Variants in DTX1 observed in about 807,000 individuals in gnomAD.
DTX1 encodes the protein deltex E3 ubiquitin ligase 1.
Under a neutral mutation model 57.8 loss-of-function variants are expected in DTX1, and 26 were observed. That is an observed-to-expected ratio of 0.45 (90% CI 0.33 to 0.62). DTX1 has a LOEUF of 0.62. Ranked by LOEUF, DTX1 falls within the 20% of genes least tolerant of loss-of-function variation. The pLI is 0.02. For synonymous variants in DTX1, 398 were observed against 394.1 expected, an observed-to-expected ratio of 1.01 and a Z score of -0.12; for missense variants, 704 against 895.3, an observed-to-expected ratio of 0.79 and a Z score of 2.73.
rs11066481 is a variant in DTX1, at chr12:113,056,741, C to G, written c.-948C>G. The G allele has an allele frequency of 6.6e-6, 1 of 152,340 alleles. No individual in the cohort carries two copies. The highest frequency in any genetic ancestry group is 1.9e-4 in the East Asian group (1 of 5,146). 9.4% of individuals were successfully genotyped at this position (152,340 alleles called of 1,614,324 possible). On this transcript the variant is annotated 5_prime_UTR_variant, in exon 1 of 10. In the 5' UTR this introduces an upstream ATG that the reference lacks. Coordinates refer to ENST00000548759, the MANE Select transcript of DTX1 (RefSeq NM_004416.3). ...CGAGGCCTCCTCCCACCCGCGAGATCCCGGCGGCCGCCAGCCGGCTCCTGC... is the reference window on the plus strand; with the variant it reads ...CGAGGCCTCCTCCCACCCGCGAGATGCCGGCGGCCGCCAGCCGGCTCCTGC...
rs2044643260 is a variant in DTX1, at chr12:113,058,250, C to G, written c.58C>G (p.Gln20Glu). The G allele has an allele frequency of 6.2e-7, 1 of 1,613,468 alleles. No individual in the cohort carries two copies. The highest frequency in any genetic ancestry group is 1.7e-5 in the Admixed American group (1 of 59,986). Reference protein sequence around the residue: ...MPVNGLGFPPQNVARVVVWEW... With the variant: ...MPVNGLGFPPENVARVVVWEW... ...TGTGAATGGTCTGGGCTTCCCACCG[C>G]AGAACGTGGCCCGGGTGGTGGTGTG... is the stretch of plus-strand genomic sequence containing the variant. Residue 20 changes from glutamine (Q) to glutamate (E), a missense_variant, in exon 2 of 10, where the codon CAG becomes GAG. Physicochemically the swap from Gln to Glu is conservative, Grantham distance 29. Transcript: ENST00000548759.
chr12:113,077,488 G>C lies in DTX1; in HGVS notation c.324G>C (p.Val108=), dbSNP rs575657239. 18 of 1,613,296 alleles carry C rather than the reference G, an allele frequency of 1.1e-5. No individual in the cohort carries two copies. The African/African-American group carries it at 2.3e-4, about 20-fold the overall frequency. ...DPSSAPGKGI[V]WEWENDGGAW... ...CGTCGGCGCCGGGCAAGGGCATCGT[G>C]TGGGAGTGGGAGAACGACGGCGGCG... is the stretch of plus-strand genomic sequence containing the variant. The change falls in exon 3 of 10, where the codon GTG becomes GTC. Residue 108 remains valine (V), a synonymous_variant. Coordinates refer to ENST00000548759, the MANE Select transcript of DTX1 (RefSeq NM_004416.3). The surrounding 1 kb of genome is among the most constrained non-coding windows in gnomAD (Gnocchi z 7.8).
At position 113,093,232 on chromosome 12, in the gene DTX1, T is replaced by C; in HGVS notation, c.1003+9T>C. ...CCATCCGGCCCTGGCAGGTGAGGTC[T>C]GGCCCAGGGCGGGAAAGAAGGGCGG... is the stretch of plus-strand genomic sequence containing the variant. On this transcript the variant is annotated intron_variant, in intron 4 of 9. Coordinates refer to ENST00000548759, the MANE Select transcript of DTX1 (RefSeq NM_004416.3). The surrounding 1 kb of genome is among the most constrained non-coding windows in gnomAD (Gnocchi z 4.2). 1.3e-6 allele frequency: 2 copies of C among 1,591,034 alleles called. No individual in the cohort carries two copies. The highest frequency in any genetic ancestry group is 2.3e-5 in the South Asian group (2 of 87,440).
chr12:113,091,347 T>C (rs1248368791), intron 3 of DTX1, among the ~76,000 whole-genome samples: 1 of 152,120 alleles, frequency 6.6e-6, no homozygotes, highest in African/African-American at 2.4e-5. Flanking sequence ...TGCCTGTGTG[T>C]ATCCATGTAT....
In DTX1 at chr12:113,063,289, T is replaced by A. The variant is rs534748459; in HGVS notation, c.259+4838T>A. On this transcript the variant is annotated intron_variant, in intron 2 of 9. Transcript: ENST00000548759. ...GTCGGGGAAAGGTTTGAGAATGGCT[T>A]TCTGCTCCCAGAGAAGAAGCCACAT... is the stretch of plus-strand genomic sequence containing the variant. Among the ~76,000 whole-genome samples, 3 of 152,280 alleles carry A rather than the reference T, an allele frequency of 2.0e-5. No homozygotes were observed. The East Asian group carries it at 5.8e-4, about 29-fold the overall frequency.
chr12:113,093,186 C>T lies in DTX1; in HGVS notation c.966C>T (p.Asn322=), dbSNP rs146520887. The change falls in exon 4 of 10, where the codon AAC becomes AAT. Residue 322 remains asparagine (N), a synonymous_variant. Transcript: ENST00000548759. This position sits in a 1 kb window ranked among gnomAD's most constrained non-coding sequence, Gnocchi z 4.2. ...PPGVPALPVK[N]LNGTGPVHPA... Reference sequence around the variant, plus strand: ...GGGTCCCCGCACTCCCGGTGAAGAACTTGAATGGTACTGGGCCGGTCCATC... The same window carrying T: ...GGGTCCCCGCACTCCCGGTGAAGAATTTGAATGGTACTGGGCCGGTCCATC... 1.3e-3 allele frequency: 2,006 copies of T among 1,600,794 alleles called. 1 individual carries two copies. The highest frequency in any genetic ancestry group is 1.6e-3 in the Non-Finnish European group (1,846 of 1,174,338).
chr12:113,082,267 C>T (rs2044823866), intron 3 of DTX1, among the ~76,000 whole-genome samples: 1 of 152,160 alleles, frequency 6.6e-6, no homozygotes, highest in Admixed American at 6.5e-5. Context: ...CTAACTGATC[C>T]TCCCCAGCCA....
At position 113,093,704 on chromosome 12, in the gene DTX1, C is replaced by T. The variant is rs184914838; in HGVS notation, c.1165+4C>T. On this transcript the variant is annotated splice_donor_region_variant and intron_variant, in intron 5 of 9. Coordinates refer to ENST00000548759, the MANE Select transcript of DTX1 (RefSeq NM_004416.3). The surrounding 1 kb of genome is among the most constrained non-coding windows in gnomAD (Gnocchi z 4.2). Reference sequence around the variant, plus strand: ...AAGAAGAAGCACCTTAAAAAGAGTACGCCCTCCACGCCCTGCCTCACACGA... The same window carrying T: ...AAGAAGAAGCACCTTAAAAAGAGTATGCCCTCCACGCCCTGCCTCACACGA... 1.4e-5 allele frequency: 22 copies of T among 1,612,374 alleles called. No homozygotes were observed. Among genetic ancestry groups the T allele is most frequent in the South Asian group, 6.6e-5 (6 of 90,896 alleles).
At chr12:113,080,552 A>G (rs938616828) in intron 3 of DTX1, among the ~76,000 whole-genome samples, 2 of 152,132 alleles carry the variant, frequency 1.3e-5, no homozygotes, top group Non-Finnish European at 2.9e-5. Context: ...AAGAAAAAAA[A>G]GAAATCAGAA....
At chr12:113,065,404 C>G (rs1392201376) in intron 2 of DTX1, among the ~76,000 whole-genome samples, 1 of 152,178 alleles carries the variant, frequency 6.6e-6, no homozygotes, top group African/African-American at 2.4e-5. Context: ...CCCGGGCCAC[C>G]GAGTACCTTG....
intron 2 of DTX1, among the ~76,000 whole-genome samples, chr12:113,067,757 T>C (rs1362795298): frequency 6.6e-6 from 1 of 152,178 alleles, no homozygotes; most frequent in Non-Finnish European, 1.5e-5. Context: ...TGAGGCCATT[T>C]GAGGTGGCTC....
intron 3 of DTX1, among the ~76,000 whole-genome samples, chr12:113,089,259 G>A (rs1370902513): frequency 6.6e-6 from 1 of 152,166 alleles, no homozygotes; most frequent in Non-Finnish European, 1.5e-5. Context: ...GAGGTTCAGA[G>A]GGTAGATGGG....
intron 2 of DTX1, among the ~76,000 whole-genome samples, chr12:113,063,377 A>G (rs779019282): frequency 6.6e-6 from 1 of 152,236 alleles, no homozygotes; most frequent in Non-Finnish European, 1.5e-5. Context: ...GGCCTCACCC[A>G]GACCCTGAAT....
At chr12:113,085,504 A>G (rs77089919) in intron 3 of DTX1, among the ~76,000 whole-genome samples, 28 of 152,302 alleles carry the variant, frequency 1.8e-4, no homozygotes, top group South Asian at 4.1e-4. Context: ...TTTACTGGCC[A>G]TGAGTGGTTC....
intron 2 of DTX1, among the ~76,000 whole-genome samples, chr12:113,071,133 C>T (rs1259860902): frequency 6.6e-6 from 1 of 152,232 alleles, no homozygotes; most frequent in Non-Finnish European, 1.5e-5. Flanking sequence ...CCATGTTGGC[C>T]TTGGCCTGTC....
chr12:113,081,198 C>A (rs565327585), intron 3 of DTX1, among the ~76,000 whole-genome samples: 1 of 152,056 alleles, frequency 6.6e-6, no homozygotes, highest in Non-Finnish European at 1.5e-5. Context: ...CAAAAATTAG[C>A]TGAGCATGGT....
chr12:113,078,525 G>A (rs2044793061), intron 3 of DTX1, among the ~76,000 whole-genome samples: 1 of 152,296 alleles, frequency 6.6e-6, no homozygotes, highest in Non-Finnish European at 1.5e-5. Context: ...TGGGGAAACC[G>A]AGGCTAGGAG....
chr12:113,088,075 G>A (rs1950218471), intron 3 of DTX1, among the ~76,000 whole-genome samples: 1 of 152,180 alleles, frequency 6.6e-6, no homozygotes. Context: ...AACTCCAGAT[G>A]GCTCCACAGA....
intron 2 of DTX1, among the ~76,000 whole-genome samples, chr12:113,066,420 C>T (rs759716509): frequency 2.4e-4 from 37 of 151,742 alleles, no homozygotes; most frequent in African/African-American, 6.3e-4. Context: ...CCCAGCTACT[C>T]GGGAGGCCAA....
Sources: gnomAD v4.1 joint callset for allele counts (sites outside exome capture counted in the v4.1 genomes callset) on GRCh38, gnomAD v4.1.1 for gene constraint, Gnocchi (gnomAD v3.1) non-coding constraint, MANE v1.5 for transcripts, NCBI Gene and HGNC (gene_info 2026-07-23, HGNC 2026-07-21) for gene names.